Variants in LEKR1 observed in about 807,000 individuals in gnomAD.
The protein encoded by LEKR1 is protein LEKR1.
Under a neutral mutation model 72.4 loss-of-function variants are expected in LEKR1, and 59 were observed. The observed-to-expected ratio is 0.82, with a 90% CI of 0.66 to 1.01. The LOEUF is 1.01. Among genes scored for constraint, LEKR1 ranks in the 50% least tolerant of loss-of-function variants. The pLI is 0.00. For synonymous variants in LEKR1, 257 were observed against 263.2 expected, an observed-to-expected ratio of 0.98 and a Z score of 0.23; for missense variants, 728 against 759.2, an observed-to-expected ratio of 0.96 and a Z score of 0.48.
In LEKR1 at chr3:156,936,465, A is replaced by AC. The variant is rs965225974; in HGVS notation, c.560-6058dup. ...CACACACACACACACACACACACACACCCCCCGTATGCCTAGCAGAATAAG... is the reference window on the plus strand; with the variant it reads ...CACACACACACACACACACACACACACCCCCCCGTATGCCTAGCAGAATAAG... On this transcript the variant is annotated intron_variant, in intron 5 of 12. Transcript: ENST00000356539. Among the ~76,000 whole-genome samples the AC allele has an allele frequency of 8.2e-4, 109 of 133,412 alleles. 1 individual carries two copies. The South Asian group carries it at 8.6e-3, about 11-fold the overall frequency. The allele number at this position is 133,412 out of a possible 152,430, so 87.5% of individuals were successfully genotyped here.
At chr3:156,904,585 G>C (rs1722352952) in intron 3 of LEKR1, among the ~76,000 whole-genome samples, 1 of 150,770 alleles carries the variant, frequency 6.6e-6, no homozygotes, top group African/African-American at 2.4e-5. Context: ...TCAACCTCTG[G>C]AGTAACTGGA....
intron 9 of LEKR1, among the ~76,000 whole-genome samples, chr3:157,006,227 G>A (rs1020718245): frequency 6.6e-6 from 1 of 150,792 alleles, no homozygotes; most frequent in Non-Finnish European, 1.5e-5. Flanking sequence ...GGATGGTCTC[G>A]ATCTCCTGAC....
At chr3:157,041,543 G>A (rs1435752265) in intron 12 of LEKR1, among the ~76,000 whole-genome samples, 2 of 151,938 alleles carry the variant, frequency 1.3e-5, no homozygotes, top group South Asian at 4.2e-4. Context: ...TCTCCTCCCC[G>A]TGTGCACCTG....
intron 3 of LEKR1, among the ~76,000 whole-genome samples, chr3:156,915,233 A>G (rs887909118): frequency 1.3e-5 from 2 of 152,050 alleles, no homozygotes; most frequent in Non-Finnish European, 2.9e-5. Flanking sequence ...AAATGTCTTT[A>G]TGGTAGAATA....
intron 2 of LEKR1, among the ~76,000 whole-genome samples, chr3:156,838,085 C>T (rs1713391152): frequency 6.6e-6 from 1 of 152,206 alleles, no homozygotes; most frequent in Admixed American, 6.5e-5. Context: ...CAAGTATTGA[C>T]CTGGCAAGGC....
chr3:156,878,978 T>A (rs936154300), intron 3 of LEKR1, among the ~76,000 whole-genome samples: 1 of 152,220 alleles, frequency 6.6e-6, no homozygotes, highest in Non-Finnish European at 1.5e-5. Flanking sequence ...AACCTCTTTT[T>A]TTTATATAAA....
chr3:156,995,341 G>C (rs140498751), intron 9 of LEKR1, among the ~76,000 whole-genome samples: 2 of 152,268 alleles, frequency 1.3e-5, no homozygotes, highest in East Asian at 3.9e-4. Flanking sequence ...TGTTGAATGA[G>C]AAGGACAGTT....
At chr3:157,021,575 T>A (rs889834249) in intron 10 of LEKR1, among the ~76,000 whole-genome samples, 2 of 152,196 alleles carry the variant, frequency 1.3e-5, no homozygotes, top group African/African-American at 4.8e-5. Flanking sequence ...GTCATCTAAT[T>A]TTTGTCTTGT....
intron 9 of LEKR1, among the ~76,000 whole-genome samples, chr3:156,996,903 A>C (rs1419559188): frequency 6.6e-6 from 1 of 152,050 alleles, no homozygotes; most frequent in Non-Finnish European, 1.5e-5. Context: ...CGTCTCTTCT[A>C]AAAATACAAA....
intron 3 of LEKR1, among the ~76,000 whole-genome samples, chr3:156,885,646 T>C (rs759287157): frequency 3.9e-4 from 59 of 152,368 alleles, no homozygotes; most frequent in Non-Finnish European, 6.9e-4. Flanking sequence ...CCATGGATAC[T>C]AGCACCTCCT....
intron 3 of LEKR1, among the ~76,000 whole-genome samples, chr3:156,895,830 A>C (rs1384876572): frequency 3.9e-5 from 6 of 152,176 alleles, no homozygotes; most frequent in African/African-American, 1.4e-4. Context: ...AAGGAGAAAT[A>C]CCATTGACCC....
intron 7 of LEKR1, chr3:156,988,390 G>A (rs1446167479): frequency 4.4e-6 from 1 of 226,304 alleles, no homozygotes. Context: ...GATGATGTGC[G>A]AGGGGATCCC....
At chr3:156,859,257 A>C (rs996917107) in intron 3 of LEKR1, among the ~76,000 whole-genome samples, 4 of 152,208 alleles carry the variant, frequency 2.6e-5, no homozygotes, top group Non-Finnish European at 5.9e-5. Flanking sequence ...TGGATTTATC[A>C]GTTTCTGTCT....
At chr3:156,894,871 T>C (rs1202520216) in intron 3 of LEKR1, among the ~76,000 whole-genome samples, 2 of 152,068 alleles carry the variant, frequency 1.3e-5, no homozygotes, top group Non-Finnish European at 2.9e-5. Context: ...CCCTTTGCTT[T>C]CACCATATAC....
At chr3:156,922,300 TATTG>T (rs1310831892) in intron 4 of LEKR1, among the ~76,000 whole-genome samples, 5 of 152,116 alleles carry the variant, frequency 3.3e-5, no homozygotes, top group Admixed American at 6.5e-5. Flanking sequence ...TAAGCTAGAT[TATTG>T]ATTATTTTTA....
At chr3:157,041,419 A>G (rs1365013672) in intron 12 of LEKR1, among the ~76,000 whole-genome samples, 1 of 152,126 alleles carries the variant, frequency 6.6e-6, no homozygotes, top group Non-Finnish European at 1.5e-5. Context: ...CTTGAAATAA[A>G]CTTTCAATGA....
At chr3:157,026,023 C>A (rs1734157914) in intron 11 of LEKR1, among the ~76,000 whole-genome samples, 1 of 151,760 alleles carries the variant, frequency 6.6e-6, no homozygotes, top group African/African-American at 2.4e-5. Flanking sequence ...GCACTCCAGA[C>A]TGGGCAACAA....
chr3:157,023,761 T>C (rs1344199083), intron 10 of LEKR1, among the ~76,000 whole-genome samples: 1 of 152,218 alleles, frequency 6.6e-6, no homozygotes, highest in South Asian at 2.1e-4. Context: ...AGTTCTTGCT[T>C]ATTCTTTCCA....
chr3:156,847,126 A>G (rs975699353), intron 2 of LEKR1, among the ~76,000 whole-genome samples: 2 of 152,226 alleles, frequency 1.3e-5, no homozygotes, highest in African/African-American at 4.8e-5. Flanking sequence ...CAATTTTGAA[A>G]TAGAGAATGC....
Sources: gnomAD v4.1 joint callset for allele counts (sites outside exome capture counted in the v4.1 genomes callset) on GRCh38, gnomAD v4.1.1 for gene constraint, MANE v1.5 for transcripts, NCBI Gene and HGNC (gene_info 2026-07-23, HGNC 2026-07-21) for gene names.